PTPRN2: variants seen among roughly 807,000 people sequenced by gnomAD.
PTPRN2 encodes protein tyrosine phosphatase receptor type N2, also known as receptor-type tyrosine-protein phosphatase N2.
In PTPRN2, 74 loss-of-function variants were observed where a neutral mutation model predicts 118.8. That is an observed-to-expected ratio of 0.62 (90% CI 0.52 to 0.76). The LOEUF (loss-of-function observed/expected upper bound fraction) is 0.76. Among genes scored for constraint, PTPRN2 ranks in the 30% least tolerant of loss-of-function variants. PTPRN2 has a pLI of 0.00. For missense variants in PTPRN2, 1,481 were observed against 1,394.4 expected (o/e 1.06, Z -0.99); for synonymous variants, 641 against 608.0 (o/e 1.05, Z -0.80).
intron 12 of PTPRN2, among the ~76,000 whole-genome samples, chr7:157,789,809 T>C (rs2151072374): frequency 7.0e-6 from 1 of 142,704 alleles, no homozygotes; most frequent in Non-Finnish European, 1.5e-5. Context: ...GTGTGTGATG[T>C]GTGTAGTATG....
chr7:157,666,115 C>G (rs1445529740), intron 13 of PTPRN2, among the ~76,000 whole-genome samples: 2 of 151,190 alleles, frequency 1.3e-5, no homozygotes, highest in Non-Finnish European at 2.9e-5. Context: ...CACATGTACC[C>G]TAGAACTTAA....
At chr7:158,076,984 G>A (rs1489562286) in intron 11 of PTPRN2, among the ~76,000 whole-genome samples, 2 of 152,242 alleles carry the variant, frequency 1.3e-5, no homozygotes, top group Non-Finnish European at 2.9e-5. Context: ...AGTTAAGGCT[G>A]GCTGGATTGT....
At chr7:158,261,576 G>A (rs1194220326) in intron 3 of PTPRN2, among the ~76,000 whole-genome samples, 5 of 152,252 alleles carry the variant, frequency 3.3e-5, no homozygotes, top group Non-Finnish European at 7.4e-5. Context: ...GTGCCTGGGG[G>A]ACTCCAGCCA....
At chr7:157,862,937 T>C (rs2151237808) in intron 12 of PTPRN2, 1 of 151,806 alleles carries the variant, frequency 6.6e-6, no homozygotes, top group South Asian at 2.1e-4. Context: ...CACAGCCACT[T>C]GTCAACTTGG....
chr7:158,566,467 C>T (rs1205755883), intron 1 of PTPRN2, among the ~76,000 whole-genome samples: 4 of 152,190 alleles, frequency 2.6e-5, no homozygotes, highest in African/African-American at 7.2e-5. Flanking sequence ...GGCCCCATAG[C>T]GGGCACTTGG....
intron 21 of PTPRN2, among the ~76,000 whole-genome samples, chr7:157,557,745 C>G (rs1030958699): frequency 2.0e-5 from 3 of 152,098 alleles, no homozygotes; most frequent in Non-Finnish European, 4.4e-5. Flanking sequence ...GCATCTTATT[C>G]ACTTGAAAAT....
chr7:157,840,387 TGTGACTGTGTGACC>T (rs1808324302), intron 12 of PTPRN2, among the ~76,000 whole-genome samples: 1 of 137,808 alleles, frequency 7.3e-6, no homozygotes. Context: ...TGTGACCGCG[TGTGACTGTGTGACC>T]GTGTGTGACT....
intron 1 of PTPRN2, among the ~76,000 whole-genome samples, chr7:158,520,463 T>C (rs1341360587): frequency 1.3e-5 from 2 of 152,222 alleles, no homozygotes; most frequent in Non-Finnish European, 2.9e-5. Flanking sequence ...AGACAGTTTC[T>C]AGACGAGTCT....
chr7:157,683,067 C>T (rs758033142), intron 12 of PTPRN2, 130 bp from the exon 13 acceptor site: 4 of 778,186 alleles, frequency 5.1e-6, no homozygotes, highest in Non-Finnish European at 6.3e-6. Context: ...CCTGGAGCCA[C>T]AACGGGAGGG....
At position 157,886,850 on chromosome 7, in the gene PTPRN2, T is replaced by C. The variant is rs62478066; in HGVS notation, c.1788+11823A>G. 6.7e-3 allele frequency among the ~76,000 whole-genome samples: 208 copies of C among 31,196 alleles called. 1 individual carries two copies. The highest frequency in any genetic ancestry group is 0.016 in the South Asian group (14 of 868). 20.5% of individuals were successfully genotyped at this position (31,196 alleles called of 152,430 possible). ...TATCCTGGGGCCATCGAGGTCTTCG[T>C]CACAGAGCCAAGCCCACCACGGTGG... On this transcript the variant is annotated intron_variant, in intron 12 of 22. Coordinates refer to ENST00000389418, the MANE Select transcript of PTPRN2 (RefSeq NM_002847.5).
In PTPRN2 at chr7:157,596,497, G is replaced by T. The variant is rs2150567921; in HGVS notation, c.2419-1182C>A. The stretch of plus-strand genomic sequence containing the variant: ...TTTCGAAGATTAAGCACAGAAAAAA[G>T]AACTTGAGGACAAAGCCTTGAGAGG... On this transcript the variant is annotated intron_variant, in intron 16 of 22. Coordinates refer to ENST00000389418, the MANE Select transcript of PTPRN2 (RefSeq NM_002847.5). The surrounding 1 kb of genome is among the most constrained non-coding windows in gnomAD (Gnocchi z 4.2). Among the ~76,000 whole-genome samples the T allele has an allele frequency of 6.6e-6, 1 of 152,360 alleles. No individual in the cohort carries two copies. Among genetic ancestry groups the T allele is most frequent in the South Asian group, 2.1e-4 (1 of 4,834 alleles).
chr7:158,455,061 C>T (rs1260904766), intron 2 of PTPRN2, among the ~76,000 whole-genome samples: 2 of 152,228 alleles, frequency 1.3e-5, no homozygotes, highest in African/African-American at 4.8e-5. Flanking sequence ...CCCCATGGAC[C>T]CCCAATCCCA....
chr7:157,712,341 C>T (rs769657866), intron 12 of PTPRN2, among the ~76,000 whole-genome samples: 1 of 152,168 alleles, frequency 6.6e-6, no homozygotes, highest in Non-Finnish European at 1.5e-5. Context: ...AGTCTTAACC[C>T]CAGGACCTCA....
chr7:157,925,252 G>A (rs1452238350), intron 11 of PTPRN2, among the ~76,000 whole-genome samples: 1 of 149,650 alleles, frequency 6.7e-6, no homozygotes, highest in Non-Finnish European at 1.5e-5. Context: ...GCAGGCACCT[G>A]CATTTAGCAC....
intron 2 of PTPRN2, among the ~76,000 whole-genome samples, chr7:158,327,337 T>G (rs1317931275): frequency 6.9e-6 from 1 of 144,748 alleles, no homozygotes; most frequent in Non-Finnish European, 1.5e-5. Context: ...ACACACGTGC[T>G]CACACATGCT....
chr7:158,435,845 T>G (rs572559708), intron 2 of PTPRN2, among the ~76,000 whole-genome samples: 1 of 152,290 alleles, frequency 6.6e-6, no homozygotes, highest in East Asian at 1.9e-4. Context: ...ACTGATGATT[T>G]CACTTAGACG....
intron 11 of PTPRN2, among the ~76,000 whole-genome samples, chr7:157,910,695 C>T (rs1267992240): frequency 2.1e-5 from 3 of 140,332 alleles, no homozygotes; most frequent in South Asian, 4.6e-4. Context: ...AGATGCCATG[C>T]GGCAGGGCAC....
chr7:158,539,954 G>A (rs1349131012), intron 1 of PTPRN2: 16 of 242,424 alleles, frequency 6.6e-5, no homozygotes, highest in African/African-American at 3.3e-4. Context: ...GGAACCGGAC[G>A]GTGCACTGTG....
At chr7:158,530,924 C>A (rs901871129) in intron 1 of PTPRN2, among the ~76,000 whole-genome samples, 7 of 152,062 alleles carry the variant, frequency 4.6e-5, no homozygotes, top group African/African-American at 1.7e-4. Flanking sequence ...TGATCAAGTG[C>A]CCTCAAAACA....
Sources: gnomAD v4.1 joint callset for allele counts (sites outside exome capture counted in the v4.1 genomes callset) on GRCh38, gnomAD v4.1.1 for gene constraint, Gnocchi (gnomAD v3.1) non-coding constraint, MANE v1.5 for transcripts, NCBI Gene and HGNC (gene_info 2026-07-23, HGNC 2026-07-21) for gene names.